The following RRP12 variants were observed in gnomAD, a reference collection of about 807,000 sequenced individuals.
RRP12 encodes ribosomal RNA processing 12 homolog, also known as RRP12-like protein.
RRP12 carries 78 observed loss-of-function variants against 157.3 expected under a neutral mutation model. That is an observed-to-expected ratio of 0.50 (90% CI 0.41 to 0.60). The LOEUF (loss-of-function observed/expected upper bound fraction) is 0.60. RRP12 is among the 20% of genes least tolerant of loss of function. The probability of loss-of-function intolerance (pLI) is 0.00; values close to 1 mark genes in which losing one functional copy is unlikely to be tolerated. For missense variants in RRP12, 1,521 were observed against 1,679.9 expected (o/e 0.91, Z 1.65); for synonymous variants, 726 against 670.9 (o/e 1.08, Z -1.27).
intron 2 of RRP12, among the ~76,000 whole-genome samples, chr10:97,398,908 T>C (rs1052734071): frequency 4.6e-5 from 7 of 152,180 alleles, no homozygotes; most frequent in South Asian, 2.1e-4. Flanking sequence ...AATAATGCTG[T>C]AGTAAAATAT....
rs185241010 is a variant in RRP12, at chr10:97,368,443, C to T, written c.2955+982G>A. On this transcript the variant is annotated intron_variant, in intron 25 of 33. Coordinates refer to ENST00000370992, the MANE Select transcript of RRP12 (RefSeq NM_015179.4). ...TGCAATCTTGGCTCACTGCAACATC[C>T]GCCTCCCAGGTTCAAGTGATTCTCC... 5.6e-3 allele frequency among the ~76,000 whole-genome samples: 846 copies of T among 152,144 alleles called. 5 individuals are homozygous for T. Among genetic ancestry groups the T allele is most frequent in the African/African-American group, 0.019 (805 of 41,488 alleles).
chr10:97,363,556 A>C (rs1843896322), intron 30 of RRP12, among the ~76,000 whole-genome samples: 1 of 152,106 alleles, frequency 6.6e-6, no homozygotes, highest in Non-Finnish European at 1.5e-5. Flanking sequence ...CCTACGGTGG[A>C]TGCCCCCACC....
chr10:97,370,672 C>A lies in RRP12; in HGVS notation c.2583+44G>T, dbSNP rs535393372. ...CCCTGGATCCTGAGGCCCTTAAGAG[C>A]CACATTCCAGGGACCCCCCTCTAAA... On this transcript the variant is annotated intron_variant, in intron 22 of 33. Coordinates refer to ENST00000370992, the MANE Select transcript of RRP12 (RefSeq NM_015179.4). 4 of 1,606,396 alleles carry A rather than the reference C, an allele frequency of 2.5e-6. No homozygotes were observed. The Admixed American group carries it at 5.0e-5, about 20-fold the overall frequency.
Position 97,371,839 on chromosome 10 carries a change from C to T in RRP12, c.2343+234G>A, listed in dbSNP as rs142727217. ...GCAAAGGAGCATGGCCTTGGTTCTACAAGAGTCACTCAGCACGCAAGGCCT... is the reference window on the plus strand; with the variant it reads ...GCAAAGGAGCATGGCCTTGGTTCTATAAGAGTCACTCAGCACGCAAGGCCT... On this transcript the variant is annotated intron_variant, in intron 20 of 33. Transcript: ENST00000370992. 577 of 453,504 alleles carry T rather than the reference C, an allele frequency of 1.3e-3. 4 individuals are homozygous for T. The highest frequency in any genetic ancestry group is 9.1e-3 in the African/African-American group (474 of 51,988). 28.1% of individuals were successfully genotyped at this position (453,504 alleles called of 1,614,324 possible). A position where few individuals can be genotyped will look rare whatever the true frequency, so the allele number is the denominator to read the frequency against.
chr10:97,370,125 A>G, intron 24 of RRP12, 42 bp downstream of exon 24: 1 of 1,373,860 alleles, frequency 7.3e-7, no homozygotes, highest in Non-Finnish European at 1.0e-6. Context: ...GCATCTTCCT[A>G]ATCTGAGGGC....
At chr10:97,365,851 C>G (rs935509876) in intron 29 of RRP12, 1 of 459,184 alleles carries the variant, frequency 2.2e-6, no homozygotes, top group East Asian at 4.4e-5. Flanking sequence ...AGACTAACAG[C>G]GTATCACACA....
chr10:97,372,263 A>G, intron 19 of RRP12, 97 bp from the exon 20 acceptor site: 2 of 860,092 alleles, frequency 2.3e-6, no homozygotes, highest in Non-Finnish European at 3.7e-6. Context: ...GAGGTGGGAG[A>G]AGTCAGGGTG....
In RRP12 at chr10:97,357,146, C is replaced by T. The variant is rs1048445; in HGVS notation, c.3842G>A (p.Arg1281Gln). ...TTTGTGTCCCACCTGGGAACCTCGC[C>T]GGGCAGCCTTCACCAGGCCTTTGAA... ...GQFKGLVKAA[R>Q]RGSQVGHKNR... Residue 1281 changes from arginine to glutamine, a missense_variant, in exon 34 of 34, where the codon CGG becomes CAG. Coordinates refer to ENST00000370992, the MANE Select transcript of RRP12 (RefSeq NM_015179.4). 443,349 of 1,611,006 alleles carry T rather than the reference C, an allele frequency of 0.28. 62,709 individuals carry two copies. The highest frequency in any genetic ancestry group is 0.34 in the South Asian group (31,018 of 90,834).
At position 97,366,887 on chromosome 10, in the gene RRP12, A is replaced by G; in HGVS notation, c.3070T>C (p.Leu1024=). ...KFGFELVKRL[L]PEEYHRVLVN... is the part of the protein sequence containing the mutation. ...AGGACTCTGTGGTACTCCTCGGGCA[A>G]CAGCCTTTTCACCAGCTCAAATCTG... Residue 1024 remains leucine (L), a synonymous_variant, in exon 27 of 34, where the codon TTG becomes CTG. Coordinates refer to ENST00000370992, the MANE Select transcript of RRP12 (RefSeq NM_015179.4). 6.2e-7 allele frequency: 1 copy of G among 1,613,926 alleles called. No homozygotes were observed. The highest frequency in any genetic ancestry group is 8.5e-7 in the Non-Finnish European group (1 of 1,179,878).
At chr10:97,391,996 T>C (rs1844818481) in intron 4 of RRP12, among the ~76,000 whole-genome samples, 1 of 104,068 alleles carries the variant, frequency 9.6e-6, no homozygotes, top group Admixed American at 1.4e-4. Flanking sequence ...ATATTCATGT[T>C]GTGGGTTTTT....
intron 8 of RRP12, chr10:97,388,042 C>T: frequency 1.7e-6 from 1 of 581,146 alleles, no homozygotes. Flanking sequence ...TGACTCTGAC[C>T]TGATCTCTGA....
chr10:97,379,361 A>T lies in RRP12; in HGVS notation c.1730T>A (p.Val577Asp). 1 of 1,614,148 alleles carries T rather than the reference A, an allele frequency of 6.2e-7. No homozygotes were observed. The highest frequency in any genetic ancestry group is 8.5e-7 in the Non-Finnish European group (1 of 1,179,986). The change falls in exon 15 of 34, where the codon GTT becomes GAT. Residue 577 changes from valine to aspartate, a missense_variant. Transcript: ENST00000370992. ...SWLLPVIRDH[V>D]QETRLGFFTT... ...GAAAAAACCAAGTCGCGTTTCCTGAACATGGTCTCGGATGACAGGCAGCAG... is the reference window on the plus strand; with the variant it reads ...GAAAAAACCAAGTCGCGTTTCCTGATCATGGTCTCGGATGACAGGCAGCAG...
chr10:97,400,273 T>C, intron 2 of RRP12, 32 bp downstream of exon 2: 1 of 1,552,846 alleles, frequency 6.4e-7, no homozygotes, highest in Middle Eastern at 1.7e-4. Flanking sequence ...CTCTCCTCAC[T>C]ATCCTATGGC....
intron 4 of RRP12, 68 bp from the exon 5 acceptor site, chr10:97,390,912 G>C: frequency 1.9e-6 from 2 of 1,052,120 alleles, no homozygotes; most frequent in Admixed American, 3.4e-5. Context: ...GCCCCTCGTG[G>C]TACTAAGGAG....
At chr10:97,385,436 C>G (rs1844602498) in intron 9 of RRP12, among the ~76,000 whole-genome samples, 179 bp from the exon 10 acceptor site, 1 of 152,068 alleles carries the variant, frequency 6.6e-6, no homozygotes, top group Non-Finnish European at 1.5e-5. Context: ...GCCCTCCCAG[C>G]TCTAATTCTT....
At chr10:97,390,945 G>T in intron 4 of RRP12, 101 bp from the exon 5 acceptor site, 1 of 776,976 alleles carries the variant, frequency 1.3e-6, no homozygotes, top group Non-Finnish European at 2.3e-6. Context: ...GGCGCTGGTG[G>T]CACAGTCACT....
At chr10:97,384,718 C>A (rs1844570732) in intron 10 of RRP12, among the ~76,000 whole-genome samples, 1 of 149,806 alleles carries the variant, frequency 6.7e-6, no homozygotes, top group African/African-American at 2.5e-5. Context: ...ACCTCAGCAG[C>A]CTGGACGGAG....
At chr10:97,390,637 G>A in intron 5 of RRP12, 98 bp from the exon 6 acceptor site, 1 of 1,331,494 alleles carries the variant, frequency 7.5e-7, no homozygotes, top group Non-Finnish European at 1.1e-6. Flanking sequence ...TCTGTCTGAG[G>A]TCCCCAGGGT....
chr10:97,364,816 G>A (rs996229591), intron 29 of RRP12, among the ~76,000 whole-genome samples: 2 of 152,174 alleles, frequency 1.3e-5, no homozygotes, highest in Non-Finnish European at 2.9e-5. Flanking sequence ...CCCAGGAAGG[G>A]CTACAAAAGG....
Sources: gnomAD v4.1 joint callset for allele counts (sites outside exome capture counted in the v4.1 genomes callset) on GRCh38, gnomAD v4.1.1 for gene constraint, MANE v1.5 for transcripts, NCBI Gene and HGNC (gene_info 2026-07-23, HGNC 2026-07-21) for gene names.